The following PCLO variants were observed in gnomAD, a reference collection of about 807,000 sequenced individuals.
The protein encoded by PCLO is piccolo presynaptic cytomatrix protein, also known as protein piccolo.
Under a neutral mutation model 427.5 loss-of-function variants are expected in PCLO, and 82 were observed. The ratio of observed to expected loss-of-function variants is 0.19; its 90% CI spans 0.16 to 0.23. The LOEUF is 0.23. Among genes scored for constraint, PCLO ranks in the 10% least tolerant of loss-of-function variants. The pLI is 1.00. For missense variants in PCLO, 6,239 were observed against 6,115.9 expected, an observed-to-expected ratio of 1.02 and a Z score of -0.67; for synonymous variants, 2,357 against 2,155.4, an observed-to-expected ratio of 1.09 and a Z score of -2.59.
At chr7:82,972,016 AT>A (rs1346115235) in intron 3 of PCLO, among the ~76,000 whole-genome samples, 1 of 151,852 alleles carries the variant, frequency 6.6e-6, no homozygotes, top group Non-Finnish European at 1.5e-5. Context: ...AGGCCTCCAA[AT>A]TATGAGACCA....
chr7:82,801,136 A>G (rs1029466294), intron 22 of PCLO, among the ~76,000 whole-genome samples: 3 of 131,304 alleles, frequency 2.3e-5, no homozygotes, highest in African/African-American at 7.8e-5. Flanking sequence ...AAGAATTTCT[A>G]TGGACTTAAA....
At chr7:82,850,554 T>A (rs1191896976) in intron 10 of PCLO, among the ~76,000 whole-genome samples, 1 of 152,128 alleles carries the variant, frequency 6.6e-6, no homozygotes, top group Non-Finnish European at 1.5e-5. Context: ...CTCTTTATAA[T>A]ACAAAATTTC....
At position 82,756,117 on chromosome 7, in the gene PCLO, G is replaced by A. The variant is rs1689750287; in HGVS notation, c.*2458C>T. The A allele has an allele frequency of 6.6e-6, 1 of 152,112 alleles. No individual in the cohort carries two copies. The highest frequency in any genetic ancestry group is 2.4e-5 in the African/African-American group (1 of 41,430). The allele number at this position is 152,112 out of a possible 1,614,324, so 9.4% of individuals were successfully genotyped here. A position where few individuals can be genotyped will look rare whatever the true frequency, so the allele number is the denominator to read the frequency against. ...TTCTAAAAGAAATTGCAACTGGAATGAAGAAAGCTAACTGGTCATACAAAC... is the reference window on the plus strand; with the variant it reads ...TTCTAAAAGAAATTGCAACTGGAATAAAGAAAGCTAACTGGTCATACAAAC... On this transcript the variant is annotated 3_prime_UTR_variant, in exon 25 of 25. Coordinates refer to ENST00000333891, the MANE Select transcript of PCLO (RefSeq NM_033026.6).
intron 2 of PCLO, among the ~76,000 whole-genome samples, chr7:83,147,071 A>T (rs900458337): frequency 2.0e-5 from 3 of 151,364 alleles, no homozygotes; most frequent in Admixed American, 6.6e-5. Context: ...AAAAAAATAA[A>T]AAAAAAAAAG....
At chr7:82,927,866 G>C (rs1346423665) in intron 6 of PCLO, among the ~76,000 whole-genome samples, 1 of 152,118 alleles carries the variant, frequency 6.6e-6, no homozygotes, top group Non-Finnish European at 1.5e-5. Context: ...AGGATATATA[G>C]ACCAAGGTTC....
intron 8 of PCLO, among the ~76,000 whole-genome samples, chr7:82,908,486 G>C (rs1794245060): frequency 6.6e-6 from 1 of 151,990 alleles, no homozygotes; most frequent in Non-Finnish European, 1.5e-5. Context: ...ACTCGGTTTG[G>C]CCATGCTCTC....
chr7:82,973,965 G>A (rs937972485), intron 3 of PCLO, among the ~76,000 whole-genome samples: 2 of 151,880 alleles, frequency 1.3e-5, no homozygotes, highest in African/African-American at 2.4e-5. Context: ...CTGAATTTTC[G>A]ATGTTTTCAA....
At chr7:82,827,065 T>C (rs1021264228) in intron 17 of PCLO, among the ~76,000 whole-genome samples, 25 of 152,178 alleles carry the variant, frequency 1.6e-4, no homozygotes, top group African/African-American at 5.8e-4. Flanking sequence ...CTTAGTAGCA[T>C]TGCCTTATTT....
At chr7:82,965,741 A>T in intron 4 of PCLO, 30 bp downstream of exon 4, 1 of 1,414,174 alleles carries the variant, frequency 7.1e-7, no homozygotes, top group Non-Finnish European at 9.7e-7. Context: ...CACACATGAG[A>T]GTGTGAGAAG....
chr7:82,933,865 G>A (rs1232480631), intron 6 of PCLO, among the ~76,000 whole-genome samples: 1 of 151,812 alleles, frequency 6.6e-6, no homozygotes, highest in African/African-American at 2.4e-5. Flanking sequence ...TCAAGAATAT[G>A]TAAACTTTAA....
intron 4 of PCLO, among the ~76,000 whole-genome samples, chr7:82,959,060 T>C (rs1795597700): frequency 6.6e-6 from 1 of 152,092 alleles, no homozygotes; most frequent in Admixed American, 6.6e-5. Flanking sequence ...TGTGTATTCT[T>C]ATTTTTCTTC....
chr7:82,951,349 C>T lies in PCLO; in HGVS notation c.9239G>A (p.Ser3080Asn), dbSNP rs761300388. The T allele has an allele frequency of 6.2e-7, 1 of 1,608,736 alleles. No individual in the cohort carries two copies. The stretch of plus-strand genomic sequence containing the variant: ...AACACCATTAGATGACCTCAAAACA[C>T]TCCCCACACAATACTGGGGTCCTGG... ...PPPGPQYCVG[S>N]VLRSSNGVVY... Residue 3080 changes from serine (S) to asparagine (N), a missense_variant, in exon 6 of 25, where the codon AGT (serine) becomes AAT (asparagine). Transcript: ENST00000333891.
At chr7:82,794,119 G>A (rs1791164375) in intron 22 of PCLO, among the ~76,000 whole-genome samples, 1 of 151,930 alleles carries the variant, frequency 6.6e-6, no homozygotes, top group Non-Finnish European at 1.5e-5. Flanking sequence ...CTTCTTTGTA[G>A]TTAACGTACA....
intron 10 of PCLO, among the ~76,000 whole-genome samples, chr7:82,869,756 CAGT>C: frequency 6.6e-6 from 1 of 151,758 alleles, no homozygotes. Flanking sequence ...AAATGGTGCA[CAGT>C]AGTAGTAAAG....
intron 6 of PCLO, among the ~76,000 whole-genome samples, chr7:82,919,938 C>G (rs149807786): frequency 6.6e-6 from 1 of 151,890 alleles, no homozygotes; most frequent in South Asian, 2.1e-4. Flanking sequence ...CCATTAGAAC[C>G]CCACAGATTT....
intron 3 of PCLO, among the ~76,000 whole-genome samples, chr7:83,103,360 T>G (rs1357871817): frequency 6.6e-6 from 1 of 151,946 alleles, no homozygotes; most frequent in African/African-American, 2.4e-5. Context: ...GGGGGTAAAG[T>G]GCTTACAACA....
chr7:83,152,177 G>C (rs1002129680), intron 2 of PCLO, among the ~76,000 whole-genome samples: 2 of 151,746 alleles, frequency 1.3e-5, no homozygotes, highest in Non-Finnish European at 2.9e-5. Context: ...TGTTAGCCAG[G>C]ATGGTCTCAA....
intron 3 of PCLO, among the ~76,000 whole-genome samples, chr7:83,007,596 C>T (rs1787979359): frequency 6.6e-6 from 1 of 151,364 alleles, no homozygotes; most frequent in African/African-American, 2.4e-5. Context: ...ATATCCATTT[C>T]TTATTAACTA....
chr7:82,772,463 T>C (rs1308126338), intron 22 of PCLO, among the ~76,000 whole-genome samples: 1 of 152,148 alleles, frequency 6.6e-6, no homozygotes, highest in Non-Finnish European at 1.5e-5. Context: ...GAGGCATTTT[T>C]AAGTGTTTTC....
Sources: allele counts gnomAD v4.1 joint callset (sites outside exome capture counted in the v4.1 genomes callset), GRCh38; gene constraint gnomAD v4.1.1; transcripts MANE v1.5; gene names NCBI Gene and HGNC (gene_info 2026-07-23, HGNC 2026-07-21).